PTGER2: variants seen among roughly 807,000 people sequenced by gnomAD.
The protein encoded by PTGER2 is prostaglandin E2 receptor EP2 subtype.
PTGER2 carries 22 observed loss-of-function variants against 26.2 expected under a neutral mutation model. That is an observed-to-expected ratio of 0.84 (90% CI 0.60 to 1.20). The LOEUF is 1.20. Among genes scored for constraint, PTGER2 ranks in the 50% most tolerant of loss-of-function variants. The pLI is 0.00. For missense variants in PTGER2, 458 were observed against 475.2 expected (o/e 0.96, Z 0.34); for synonymous variants, 219 against 208.9 (o/e 1.05, Z -0.42).
intron 1 of PTGER2, among the ~76,000 whole-genome samples, chr14:52,319,246 C>G (rs45625531): frequency 0.063 from 9,542 of 152,270 alleles, 353 homozygotes; most frequent in African/African-American, 0.097. Flanking sequence ...CTCAAGGGAG[C>G]TGAGCCAGGG....
At chr14:52,323,865 G>A (rs901200619) in intron 1 of PTGER2, among the ~76,000 whole-genome samples, 1 of 152,088 alleles carries the variant, frequency 6.6e-6, no homozygotes, top group Non-Finnish European at 1.5e-5. Context: ...ATTAGCACTT[G>A]GTATTTTTCT....
intron 1 of PTGER2, among the ~76,000 whole-genome samples, chr14:52,316,538 G>GA (rs2033843023): frequency 6.6e-6 from 1 of 152,182 alleles, no homozygotes; most frequent in South Asian, 2.1e-4. Flanking sequence ...CAATCTTGGA[G>GA]AAAAGAGATG....
In PTGER2 at chr14:52,327,788, A is replaced by C; in HGVS notation, c.*334A>C. 4.1e-6 allele frequency: 1 copy of C among 243,494 alleles called. No homozygotes were observed. The highest frequency in any genetic ancestry group is 9.8e-5 in the East Asian group (1 of 10,234). The allele number at this position is 243,494 out of a possible 1,614,324, so 15.1% of individuals were successfully genotyped here. A position where few individuals can be genotyped will look rare whatever the true frequency, so the allele number is the denominator to read the frequency against. ...TTGTAATTTGTTTGAAACCCCAAAC[A>C]GTGACTGTACTTTCTATTTTAATCT... On this transcript the variant is annotated 3_prime_UTR_variant, in exon 2 of 2. Transcript: ENST00000245457.
chr14:52,316,161 A>G (rs1177743326), intron 1 of PTGER2, among the ~76,000 whole-genome samples: 3 of 152,248 alleles, frequency 2.0e-5, no homozygotes, highest in Non-Finnish European at 4.4e-5. Context: ...GGTGTCCTTC[A>G]GCTTACAGTT....
At chr14:52,319,125 A>G (rs1186997921) in intron 1 of PTGER2, among the ~76,000 whole-genome samples, 3 of 152,208 alleles carry the variant, frequency 2.0e-5, no homozygotes, top group Non-Finnish European at 2.9e-5. Context: ...TTAATCTAAG[A>G]TTTCATAAAA....
rs535587502 is a variant in PTGER2, at chr14:52,323,875, T to C, written c.844-3346T>C. Among the ~76,000 whole-genome samples, 8 of 152,344 alleles carry C rather than the reference T, an allele frequency of 5.3e-5. 1 individual carries two copies. The highest frequency in any genetic ancestry group is 1.9e-4 in the African/African-American group (8 of 41,574). ...TTGGGATTAGCACTTGGTATTTTTC[T>C]CATAACAAATACATTGGTAGTGCAC... On this transcript the variant is annotated intron_variant, in intron 1 of 1. Transcript: ENST00000245457.
At chr14:52,324,829 C>T (rs929849030) in intron 1 of PTGER2, among the ~76,000 whole-genome samples, 2 of 152,050 alleles carry the variant, frequency 1.3e-5, no homozygotes, top group African/African-American at 4.8e-5. Context: ...TGAAGTATGT[C>T]TCTTCTCCAA....
chr14:52,322,175 G>C (rs1036164055), intron 1 of PTGER2, among the ~76,000 whole-genome samples: 10 of 152,172 alleles, frequency 6.6e-5, no homozygotes, highest in Non-Finnish European at 2.9e-5. Context: ...GAAAGAGAAA[G>C]AGTACGAAGA....
intron 1 of PTGER2, among the ~76,000 whole-genome samples, chr14:52,322,850 A>G (rs1481724910): frequency 1.3e-5 from 2 of 152,098 alleles, no homozygotes; most frequent in Non-Finnish European, 2.9e-5. Flanking sequence ...ATTTTGCCCG[A>G]CCCCACAGCC....
intron 1 of PTGER2, among the ~76,000 whole-genome samples, chr14:52,324,692 C>T (rs1357425420): frequency 6.6e-6 from 1 of 152,020 alleles, no homozygotes; most frequent in Non-Finnish European, 1.5e-5. Context: ...ATTTATTTTA[C>T]CACAATTTTT....
intron 1 of PTGER2, among the ~76,000 whole-genome samples, chr14:52,324,941 C>T (rs2033934577): frequency 6.6e-6 from 1 of 152,114 alleles, no homozygotes; most frequent in African/African-American, 2.4e-5. Flanking sequence ...GAGTTCAAGA[C>T]CAGCCTGTCC....
intron 1 of PTGER2, among the ~76,000 whole-genome samples, chr14:52,317,320 C>G (rs1489955394): frequency 6.6e-6 from 1 of 152,218 alleles, no homozygotes; most frequent in Non-Finnish European, 1.5e-5. Flanking sequence ...AAGTTCTCCT[C>G]TTTGATCATG....
rs2033967820 is a variant in PTGER2 at position 52,327,836 on chromosome 14, T to C, written c.*382T>C. On this transcript the variant is annotated 3_prime_UTR_variant, in exon 2 of 2. Coordinates refer to ENST00000245457, the MANE Select transcript of PTGER2 (RefSeq NM_000956.4). ...TCTTGCTACTACCGTTATACACATATAGTGTACAGCCAGACCAGATTAAAC... is the reference window on the plus strand; with the variant it reads ...TCTTGCTACTACCGTTATACACATACAGTGTACAGCCAGACCAGATTAAAC... 1 of 180,756 alleles carries C rather than the reference T, an allele frequency of 5.5e-6. No individual in the cohort carries two copies. Among genetic ancestry groups the C allele is most frequent in the African/African-American group, 2.4e-5 (1 of 42,056 alleles). 11.2% of individuals were successfully genotyped at this position (180,756 alleles called of 1,614,324 possible).
rs1028792079 is a variant in PTGER2, at chr14:52,315,346, G to T, written c.798G>T (p.Leu266=). ...AGGAGACGGACCACCTCATTCTCCT[G>T]GCTATCATGACCATCACCTTCGCCG... ...MAEETDHLIL[L]AIMTITFAVC... Residue 266 remains leucine (L), a synonymous_variant, in exon 1 of 2, where the codon CTG becomes CTT. Coordinates refer to ENST00000245457, the MANE Select transcript of PTGER2 (RefSeq NM_000956.4). 1 of 1,613,384 alleles carries T rather than the reference G, an allele frequency of 6.2e-7. No homozygotes were observed. Among genetic ancestry groups the T allele is most frequent in the Non-Finnish European group, 8.5e-7 (1 of 1,179,940 alleles).
rs200330886 is a variant in PTGER2 at position 52,315,325 on chromosome 14, G to T, written c.777G>T (p.Glu259Asp). 1.2e-6 allele frequency: 2 copies of T among 1,613,352 alleles called. No individual in the cohort carries two copies. The highest frequency in any genetic ancestry group is 1.7e-6 in the Non-Finnish European group (2 of 1,179,896). ...GGGAAAGGGTGTCCATGGCGGAGGA[G>T]ACGGACCACCTCATTCTCCTGGCTA... ...RRGERVSMAE[E>D]TDHLILLAIM... The change falls in exon 1 of 2, where the codon GAG becomes GAT. Residue 259 changes from glutamate (E) to aspartate (D), a missense_variant. Transcript: ENST00000245457.
rs2033971069 is a variant in PTGER2, at chr14:52,328,152, G to A, written c.*698G>A. The A allele has an allele frequency of 6.6e-6, 1 of 152,562 alleles. No homozygotes were observed. 9.5% of individuals were successfully genotyped at this position (152,562 alleles called of 1,614,324 possible). A position where few individuals can be genotyped will look rare whatever the true frequency, so the allele number is the denominator to read the frequency against. On this transcript the variant is annotated 3_prime_UTR_variant, in exon 2 of 2. Coordinates refer to ENST00000245457, the MANE Select transcript of PTGER2 (RefSeq NM_000956.4). Reference sequence around the variant, plus strand: ...CTAATAGTGATCAAGAAGACTTTAGGAATGGTTCTCTCAACAAGAAATAAT... The same window carrying A: ...CTAATAGTGATCAAGAAGACTTTAGAAATGGTTCTCTCAACAAGAAATAAT...
intron 1 of PTGER2, among the ~76,000 whole-genome samples, chr14:52,323,544 G>A (rs115657399): frequency 0.014 from 2,164 of 152,224 alleles, 48 homozygotes; most frequent in African/African-American, 0.049. Flanking sequence ...GTGAGCCACC[G>A]CACCCAACCT....
chr14:52,328,087 G>C lies in PTGER2; in HGVS notation c.*633G>C, dbSNP rs2033970537. 1 of 152,460 alleles carries C rather than the reference G, an allele frequency of 6.6e-6. No individual in the cohort carries two copies. The highest frequency in any genetic ancestry group is 2.1e-4 in the South Asian group (1 of 4,832). 9.4% of individuals were successfully genotyped at this position (152,460 alleles called of 1,614,324 possible). ...GTTTACTCATCCTCCAGGAACTGCA[G>C]GTCAAGTTGTCAGGTTATTTATTTT... On this transcript the variant is annotated 3_prime_UTR_variant, in exon 2 of 2. Transcript: ENST00000245457.
At position 52,315,073 on chromosome 14, in the gene PTGER2, T is replaced by C; in HGVS notation, c.525T>C (p.Tyr175=). The change falls in exon 1 of 2, where the codon TAT becomes TAC. Residue 175 remains tyrosine, a synonymous_variant. Coordinates refer to ENST00000245457, the MANE Select transcript of PTGER2 (RefSeq NM_000956.4). ...TCTGCTCGCTGCCGCTGCTGGACTATGGGCAGTACGTCCAGTACTGCCCCG... is the reference window on the plus strand; with the variant it reads ...TCTGCTCGCTGCCGCTGCTGGACTACGGGCAGTACGTCCAGTACTGCCCCG... The part of the protein sequence containing the change: ...LLFCSLPLLD[Y]GQYVQYCPGT... The C allele has an allele frequency of 2.5e-6, 4 of 1,611,548 alleles. No individual in the cohort carries two copies. The highest frequency in any genetic ancestry group is 1.3e-5 in the African/African-American group (1 of 75,012).
Sources: gnomAD v4.1 joint callset for allele counts (sites outside exome capture counted in the v4.1 genomes callset) on GRCh38, gnomAD v4.1.1 for gene constraint, MANE v1.5 for transcripts, NCBI Gene and HGNC (gene_info 2026-07-23, HGNC 2026-07-21) for gene names.